DMD: variants seen among roughly 807,000 people sequenced by gnomAD.
DMD encodes the protein dystrophin, also known as mutant dystrophin.
Under a neutral mutation model 330.1 loss-of-function variants are expected in DMD, and 63 were observed. The ratio of observed to expected loss-of-function variants is 0.19; its 90% CI spans 0.16 to 0.24. DMD has a LOEUF of 0.24. Ranked by LOEUF, DMD falls within the 10% of genes least tolerant of loss-of-function variation. DMD has a pLI of 1.00. For synonymous variants in DMD, 1,223 were observed against 959.8 expected, an observed-to-expected ratio of 1.27 and a Z score of -5.07; for missense variants, 3,344 against 2,684.1, an observed-to-expected ratio of 1.25 and a Z score of -5.43.
intron 44 of DMD, among the ~76,000 whole-genome samples, chrX:31,983,503 T>G (rs932770180): frequency 2.2e-4 from 25 of 111,455 alleles, no homozygotes; most frequent in Admixed American, 2.2e-3. Flanking sequence ...ATTGCACATT[T>G]AAAGAAATAT....
intron 61 of DMD, among the ~76,000 whole-genome samples, chrX:31,324,747 C>T (rs1200978319): frequency 8.9e-6 from 1 of 111,981 alleles, no homozygotes; most frequent in Non-Finnish European, 1.9e-5. Flanking sequence ...TGAAAAACTC[C>T]CTTTTAAATT....
At chrX:31,463,953 A>G (rs927219729) in intron 59 of DMD, among the ~76,000 whole-genome samples, 1 of 111,800 alleles carries the variant, frequency 8.9e-6, no homozygotes. Context: ...GCATTTGTAT[A>G]TCCTCTAATA....
chrX:31,291,209 G>T (rs767793971), intron 62 of DMD, among the ~76,000 whole-genome samples: 1 of 109,740 alleles, frequency 9.1e-6, no homozygotes, highest in Non-Finnish European at 1.9e-5. Flanking sequence ...GGCTAAATTT[G>T]GCATGCACAA....
intron 51 of DMD, among the ~76,000 whole-genome samples, chrX:31,761,345 A>G (rs2089574971): frequency 9.0e-6 from 1 of 110,841 alleles, no homozygotes; most frequent in South Asian, 3.9e-4. Flanking sequence ...ATAGACTACG[A>G]ATGGCCATGT....
intron 42 of DMD, among the ~76,000 whole-genome samples, chrX:32,288,231 C>T (rs1439884022): frequency 2.7e-5 from 3 of 111,682 alleles, no homozygotes; most frequent in African/African-American, 9.8e-5. Flanking sequence ...AAATTCTGAA[C>T]TGCATTTCCT....
At chrX:32,986,408 G>A (rs1366039674) in intron 2 of DMD, among the ~76,000 whole-genome samples, 2 of 111,617 alleles carry the variant, frequency 1.8e-5, no homozygotes, top group Non-Finnish European at 3.8e-5. Context: ...TAGAAATTTA[G>A]GGCGTAAGAA....
intron 44 of DMD, among the ~76,000 whole-genome samples, chrX:32,204,976 ATCTC>A (rs200970973): frequency 0.037 from 1,672 of 45,265 alleles, 84 homozygotes; most frequent in East Asian, 0.27. Flanking sequence ...CATCCAAGCC[ATCTC>A]TCTCTCTCTC....
chrX:31,221,593 C>T (rs773076955), intron 64 of DMD, among the ~76,000 whole-genome samples: 1 of 112,978 alleles, frequency 8.9e-6, no homozygotes, highest in Non-Finnish European at 1.9e-5. Context: ...TGTTGCACAA[C>T]TAAATATATG....
chrX:32,608,793 T>A (rs2056938530), intron 12 of DMD, among the ~76,000 whole-genome samples: 1 of 110,709 alleles, frequency 9.0e-6, no homozygotes, highest in Admixed American at 9.6e-5. Flanking sequence ...ACAGTATTTT[T>A]TCAGATTATA....
intron 2 of DMD, 120 bp downstream of exon 2, chrX:33,020,019 G>A: frequency 1.9e-6 from 1 of 522,866 alleles, no homozygotes; most frequent in South Asian, 3.2e-5. Context: ...GATTTGCACA[G>A]CTAAAATAAA....
At chrX:31,170,873 C>T (rs1299074464) in intron 73 of DMD, among the ~76,000 whole-genome samples, 2 of 111,968 alleles carry the variant, frequency 1.8e-5, no homozygotes, top group African/African-American at 6.5e-5. Context: ...ATTTATCACA[C>T]TCATTCCAAA....
At position 32,233,689 on chromosome X, in the gene DMD, A is replaced by ATGGT. The variant is rs1197569587; in HGVS notation, c.6291-16630_6291-16627dup. ...CTCTTGTTGCCCCAGCTGGAGTGCA[A>ATGGT]TGGTGTGATCTTCTCTCACCACAAC... On this transcript the variant is annotated intron_variant, in intron 43 of 78. Coordinates refer to ENST00000357033, the MANE Select transcript of DMD (RefSeq NM_004006.3). Among the ~76,000 whole-genome samples the ATGGT allele has an allele frequency of 2.8e-5, 3 of 106,878 alleles. No homozygotes were observed. In the East Asian group the frequency reaches 8.8e-4, roughly 31 times the overall value. The allele number at this position is 106,878 out of a possible 115,157, so 92.8% of individuals were successfully genotyped here.
At chrX:33,202,986 G>A (rs2051366108) in intron 1 of DMD, among the ~76,000 whole-genome samples, 1 of 111,432 alleles carries the variant, frequency 9.0e-6, no homozygotes, top group East Asian at 2.8e-4. Context: ...TAACTGATAA[G>A]TACATTACAT....
At chrX:31,308,348 G>T (rs1177555717) in intron 62 of DMD, among the ~76,000 whole-genome samples, 4 of 112,035 alleles carry the variant, frequency 3.6e-5, no homozygotes, top group African/African-American at 1.3e-4. Context: ...CTTCAAAACA[G>T]TAACTTTCAA....
intron 7 of DMD, among the ~76,000 whole-genome samples, chrX:32,740,172 G>A (rs577839850): frequency 9.1e-6 from 1 of 109,903 alleles, no homozygotes; most frequent in Non-Finnish European, 1.9e-5. Flanking sequence ...ATATTGAGAT[G>A]ACCCTTCTCT....
At position 31,121,727 on chromosome X, in the gene DMD, C is replaced by A. The variant is rs1057515866; in HGVS notation, c.*192G>T. On this transcript the variant is annotated 3_prime_UTR_variant, in exon 79 of 79. Transcript: ENST00000357033. ...TGAAATCTACAGTATAATACCACTACCCTTCACAAAAATATAGATTTATTT... is the reference window on the plus strand; with the variant it reads ...TGAAATCTACAGTATAATACCACTAACCTTCACAAAAATATAGATTTATTT... 1 of 612,785 alleles carries A rather than the reference C, an allele frequency of 1.6e-6. No individual in the cohort carries two copies. The highest frequency in any genetic ancestry group is 2.7e-6 in the Non-Finnish European group (1 of 372,306). 50.5% of individuals were successfully genotyped at this position (612,785 alleles called of 1,213,427 possible). A position where few individuals can be genotyped will look rare whatever the true frequency, so the allele number is the denominator to read the frequency against.
At chrX:32,179,740 G>A (rs1362495146) in intron 44 of DMD, among the ~76,000 whole-genome samples, 1 of 111,682 alleles carries the variant, frequency 9.0e-6, no homozygotes, top group Non-Finnish European at 1.9e-5. Context: ...ATTGAATCAC[G>A]GGGATGGTTC....
intron 48 of DMD, among the ~76,000 whole-genome samples, 168 bp downstream of exon 48, chrX:31,875,020 C>T (rs1226543904): frequency 9.0e-6 from 1 of 111,505 alleles, no homozygotes; most frequent in Non-Finnish European, 1.9e-5. Flanking sequence ...TGTAATACTC[C>T]ATTGCAGTGG....
chrX:31,530,647 CTTTTTTTTTTTTT>C (rs1192286078), intron 55 of DMD, among the ~76,000 whole-genome samples: 2 of 49,845 alleles, frequency 4.0e-5, no homozygotes, highest in Non-Finnish European at 7.2e-5. Flanking sequence ...ACTGGTTTCT[CTTTTTTTTTTTTT>C]TTTTTTTTTA....
Sources: allele counts gnomAD v4.1 joint callset (sites outside exome capture counted in the v4.1 genomes callset), GRCh38; gene constraint gnomAD v4.1.1; transcripts MANE v1.5; gene names NCBI Gene and HGNC (gene_info 2026-07-23, HGNC 2026-07-21).